Variants in PTPRQ observed in about 807,000 individuals in gnomAD.
PTPRQ encodes phosphatidylinositol phosphatase PTPRQ.
Under a neutral mutation model 246.0 loss-of-function variants are expected in PTPRQ, and 199 were observed. The ratio of observed to expected loss-of-function variants is 0.81; its 90% confidence interval spans 0.72 to 0.91. PTPRQ has a LOEUF of 0.91. Ranked by LOEUF, PTPRQ falls within the 40% of genes least tolerant of loss-of-function variation. The pLI is 0.00. For missense variants in PTPRQ, 2,624 were observed against 2,528.4 expected, an observed-to-expected ratio of 1.04 and a Z score of -0.81; for synonymous variants, 869 against 853.2, an observed-to-expected ratio of 1.02 and a Z score of -0.32.
chr12:80,499,030 A>G (rs1894714700), intron 14 of PTPRQ, among the ~76,000 whole-genome samples: 1 of 152,066 alleles, frequency 6.6e-6, no homozygotes, highest in Admixed American at 6.6e-5. Context: ...AGTGTCTTAG[A>G]AAACATGCAG....
chr12:80,444,783 A>T lies in PTPRQ; in HGVS notation c.97A>T (p.Thr33Ser). 6.5e-7 allele frequency: 1 copy of T among 1,540,700 alleles called. No homozygotes were observed. Among genetic ancestry groups the T allele is most frequent in the Non-Finnish European group, 8.8e-7 (1 of 1,139,358 alleles). Residue 33 changes from threonine to serine, a missense_variant, in exon 2 of 45, where the codon ACC becomes TCC. Physicochemically the swap from Thr to Ser is moderately conservative, Grantham distance 58. Coordinates refer to ENST00000644991, the MANE Select transcript of PTPRQ (RefSeq NM_001145026.2). ...NVVPGTRYDI[T>S]ISSISTTYTS... ...CGTTCCTGGTACTAGGTACGATATA[A>T]CCATCTCTTCAATTTCTACAACATA... is the stretch of plus-strand genomic sequence containing the variant.
At position 80,539,803 on chromosome 12, in the gene PTPRQ, G is replaced by A. The variant is rs1896096741; in HGVS notation, c.3013G>A (p.Asp1005Asn). Reference sequence around the variant, plus strand: ...TTTTACACTCCATGAAGTAACCAATGACTTTGACAATATGACTGTATCCAC... The same window carrying A: ...TTTTACACTCCATGAAGTAACCAATAACTTTGACAATATGACTGTATCCAC... The part of the protein sequence containing the change: ...QNFTLHEVTN[D>N]FDNMTVSTII... Residue 1005 changes from aspartate to asparagine, a missense_variant, in exon 20 of 45, where the codon GAC becomes AAC. Coordinates refer to ENST00000644991, the MANE Select transcript of PTPRQ (RefSeq NM_001145026.2). The A allele has an allele frequency of 6.5e-7, 1 of 1,546,634 alleles. No individual in the cohort carries two copies.
At chr12:80,526,560 T>G (rs192942425) in intron 17 of PTPRQ, among the ~76,000 whole-genome samples, 2 of 152,194 alleles carry the variant, frequency 1.3e-5, no homozygotes, top group African/African-American at 4.8e-5. Flanking sequence ...AATAGTAAAT[T>G]TAAAGTTTTG....
At chr12:80,584,444 T>G (rs1897544336) in intron 25 of PTPRQ, among the ~76,000 whole-genome samples, 1 of 152,182 alleles carries the variant, frequency 6.6e-6, no homozygotes, top group Admixed American at 6.5e-5. Flanking sequence ...GTCTCTGAAT[T>G]TCTCCCTTTT....
In PTPRQ at chr12:80,535,493, G is replaced by C. The variant is rs115844703; in HGVS notation, c.2985+456G>C. Among the ~76,000 whole-genome samples, 868 of 152,090 alleles carry C rather than the reference G, an allele frequency of 5.7e-3. 6 individuals carry two copies. Among genetic ancestry groups the C allele is most frequent in the African/African-American group, 0.02 (810 of 41,478 alleles). On this transcript the variant is annotated intron_variant, in intron 19 of 44. Transcript: ENST00000644991. ...CTTTAATTAAAAAAAGTTTTTGATA[G>C]CAGGAAGGGTTATTATAATAATAGT...
intron 17 of PTPRQ, among the ~76,000 whole-genome samples, chr12:80,525,149 T>C (rs1281942667): frequency 6.6e-6 from 1 of 152,096 alleles, no homozygotes; most frequent in Admixed American, 6.6e-5. Flanking sequence ...TTAGTACAGT[T>C]TGAATACACA....
intron 25 of PTPRQ, among the ~76,000 whole-genome samples, chr12:80,550,693 A>G (rs1896447996): frequency 6.6e-6 from 1 of 152,152 alleles, no homozygotes; most frequent in African/African-American, 2.4e-5. Flanking sequence ...GCTGACTGGT[A>G]AATATTTCTA....
At chr12:80,633,936 A>G (rs1475992816) in intron 34 of PTPRQ, among the ~76,000 whole-genome samples, 1 of 152,186 alleles carries the variant, frequency 6.6e-6, no homozygotes, top group African/African-American at 2.4e-5. Flanking sequence ...CTAGCTAAAG[A>G]GATCTATTCT....
chr12:80,543,071 A>G (rs557072358), intron 23 of PTPRQ, among the ~76,000 whole-genome samples, 190 bp downstream of exon 23: 1 of 152,240 alleles, frequency 6.6e-6, no homozygotes, highest in South Asian at 2.1e-4. Flanking sequence ...TAAGCTGAAT[A>G]CTTCATAGAG....
chr12:80,469,123 T>G (rs1893543104), intron 7 of PTPRQ, among the ~76,000 whole-genome samples: 1 of 152,226 alleles, frequency 6.6e-6, no homozygotes, highest in Non-Finnish European at 1.5e-5. Flanking sequence ...ATATACATCT[T>G]CAAATATTTG....
At chr12:80,560,761 A>G (rs1158500910) in intron 25 of PTPRQ, among the ~76,000 whole-genome samples, 1 of 152,228 alleles carries the variant, frequency 6.6e-6, no homozygotes, top group Non-Finnish European at 1.5e-5. Flanking sequence ...TAGCTGCTCC[A>G]GCTGTTTTTT....
chr12:80,546,481 C>G, intron 23 of PTPRQ, 75 bp from the exon 24 acceptor site: 1 of 1,365,872 alleles, frequency 7.3e-7, no homozygotes, highest in Non-Finnish European at 1.0e-6. Context: ...AAAGGAATAA[C>G]TTCAATGAAA....
chr12:80,678,820 G>A, intron 44 of PTPRQ, 95 bp downstream of exon 44: 1 of 1,449,838 alleles, frequency 6.9e-7, no homozygotes, highest in Non-Finnish European at 9.1e-7. Context: ...AAATGTTTAA[G>A]AAGCTGGATT....
At chr12:80,643,998 T>A (rs1423467373) in intron 35 of PTPRQ, among the ~76,000 whole-genome samples, 1 of 152,226 alleles carries the variant, frequency 6.6e-6, no homozygotes, top group Non-Finnish European at 1.5e-5. Flanking sequence ...GTTTGTCCCA[T>A]ACCACTGGTA....
chr12:80,466,704 A>G (rs924770985), intron 6 of PTPRQ, among the ~76,000 whole-genome samples: 3 of 152,226 alleles, frequency 2.0e-5, no homozygotes, highest in African/African-American at 2.4e-5. Context: ...ATAACGCTGC[A>G]TATCTACAAC....
Position 80,669,340 on chromosome 12 carries a change from T to A in PTPRQ, c.6329T>A (p.Ile2110Asn). Residue 2110 changes from isoleucine to asparagine, a missense_variant and splice_region_variant, in exon 41 of 45, where the codon ATC becomes AAC. By Grantham distance (149) the Ile-to-Asn change is moderately radical (BLOSUM62 -3). Transcript: ENST00000644991. ...ACTGATGATTTTCTCTGAATGCAGA[T>A]CAGATGCCATCAGTATTGGCCAGAG... The part of the protein sequence containing the change: ...MLTQCFEKGR[I>N]RCHQYWPEDN... The A allele has an allele frequency of 1.3e-6, 2 of 1,549,354 alleles. No homozygotes were observed. The highest frequency in any genetic ancestry group is 1.7e-6 in the Non-Finnish European group (2 of 1,145,904).
Position 80,541,659 on chromosome 12 carries a change from T to C in PTPRQ, c.3259T>C (p.Tyr1087His), listed in dbSNP as rs1400840224. The change falls in exon 21 of 45, where the codon TAT (tyrosine) becomes CAT (histidine). Residue 1087 changes from tyrosine to histidine, a missense_variant. By Grantham distance (83) the Tyr-to-His change is moderately conservative. Coordinates refer to ENST00000644991, the MANE Select transcript of PTPRQ (RefSeq NM_001145026.2). ...PAQPNGLVFYYVSLILQQTPR... is the reference protein window; with the variant it reads ...PAQPNGLVFYHVSLILQQTPR... ...TCAACCAAACGGTCTAGTCTTCTAC[T>C]ATGTTTCACTGATCTTACAGCAGAC... is the stretch of plus-strand genomic sequence containing the variant. 1.3e-6 allele frequency: 2 copies of C among 1,551,066 alleles called. No individual in the cohort carries two copies. Among genetic ancestry groups the C allele is most frequent in the Non-Finnish European group, 8.7e-7 (1 of 1,146,654 alleles).
intron 17 of PTPRQ, among the ~76,000 whole-genome samples, chr12:80,521,868 A>C (rs1421347549): frequency 6.6e-6 from 1 of 152,146 alleles, no homozygotes; most frequent in African/African-American, 2.4e-5. Context: ...TTCCATATGA[A>C]CTTTAAAGTA....
At chr12:80,606,094 T>G (rs1206055410) in intron 27 of PTPRQ, among the ~76,000 whole-genome samples, 1 of 151,078 alleles carries the variant, frequency 6.6e-6, no homozygotes, top group Non-Finnish European at 1.5e-5. Context: ...GTAAGTTATA[T>G]GACAGAAGAT....
Sources: gnomAD v4.1 joint callset for allele counts (sites outside exome capture counted in the v4.1 genomes callset) on GRCh38, gnomAD v4.1.1 for gene constraint, MANE v1.5 for transcripts, NCBI Gene and HGNC (gene_info 2026-07-23, HGNC 2026-07-21) for gene names.